USP6NL: variants seen among roughly 807,000 people sequenced by gnomAD.
The protein encoded by USP6NL is USP6 N-terminal like, also known as USP6 N-terminal-like protein.
In USP6NL, 26 loss-of-function variants were observed where a neutral mutation model predicts 61.9. The ratio of observed to expected loss-of-function variants is 0.42; its 90% CI spans 0.31 to 0.58. The LOEUF is 0.58. USP6NL is among the 20% of genes least tolerant of loss of function. The pLI is 0.16. For synonymous variants in USP6NL, 432 were observed against 390.1 expected, an observed-to-expected ratio of 1.11 and a Z score of -1.27; for missense variants, 1,114 against 1,034.3, an observed-to-expected ratio of 1.08 and a Z score of -1.06.
chr10:11,521,600 T>C (rs1356617189), intron 4 of USP6NL, among the ~76,000 whole-genome samples: 1 of 152,024 alleles, frequency 6.6e-6, no homozygotes, highest in East Asian at 1.9e-4. Context: ...CAGGCTGGTC[T>C]TGAACTCCTC....
chr10:11,463,884 C>A lies in USP6NL; in HGVS notation c.1079-35G>T. The A allele has an allele frequency of 6.9e-7, 1 of 1,451,522 alleles. No homozygotes were observed. Among genetic ancestry groups the A allele is most frequent in the South Asian group, 1.5e-5 (1 of 67,080 alleles). 89.9% of individuals were successfully genotyped at this position (1,451,522 alleles called of 1,614,324 possible). ...AAGAGAAAGGCTAAGTAAGATAATA[C>A]ACGAGTAAACAGTAGCCAGTTGAAG... On this transcript the variant is annotated intron_variant, in intron 14 of 14. Coordinates refer to ENST00000609104, the MANE Select transcript of USP6NL (RefSeq NM_014688.5). This position sits in a 1 kb window ranked among gnomAD's most constrained non-coding sequence, Gnocchi z 6.3.
In USP6NL at chr10:11,510,878, C is replaced by T. The variant is rs980352620; in HGVS notation, c.196-1203G>A. Among the ~76,000 whole-genome samples, 7 of 152,196 alleles carry T rather than the reference C, an allele frequency of 4.6e-5. No homozygotes were observed. The highest frequency in any genetic ancestry group is 1.7e-4 in the African/African-American group (7 of 41,454). ...AAGCCAGGCAAGCCTGGCTCCAGGA[C>T]GTACACTCTGAGCCACCACATCTCT... On this transcript the variant is annotated intron_variant, in intron 5 of 14. Coordinates refer to ENST00000609104, the MANE Select transcript of USP6NL (RefSeq NM_014688.5). This position sits in a 1 kb window ranked among gnomAD's most constrained non-coding sequence, Gnocchi z 4.8.
chr10:11,482,001 T>C lies in USP6NL; in HGVS notation c.926-79A>G. On this transcript the variant is annotated intron_variant, in intron 13 of 14. Transcript: ENST00000609104. The surrounding 1 kb of genome is among the most constrained non-coding windows in gnomAD (Gnocchi z 4.0). ...GAAGATATTCTATTATATTCAGGTG[T>C]AGTGTAAAAGGGCATTAAAAAGGGC... 1 of 1,425,076 alleles carries C rather than the reference T, an allele frequency of 7.0e-7. No homozygotes were observed. Among genetic ancestry groups the C allele is most frequent in the Non-Finnish European group, 9.3e-7 (1 of 1,074,980 alleles). 88.3% of individuals were successfully genotyped at this position (1,425,076 alleles called of 1,614,324 possible).
At position 11,596,396 on chromosome 10, in the gene USP6NL, C is replaced by T. The variant is rs536188944; in HGVS notation, c.4+1235G>A. On this transcript the variant is annotated intron_variant, in intron 2 of 14. Transcript: ENST00000609104. The surrounding 1 kb of genome is among the most constrained non-coding windows in gnomAD (Gnocchi z 4.1). Reference sequence around the variant, plus strand: ...CAGCATTTTGGGAGGCTGAGGCGGGCGGATCACAAGGTCAGGAGATCGAGA... The same window carrying T: ...CAGCATTTTGGGAGGCTGAGGCGGGTGGATCACAAGGTCAGGAGATCGAGA... 3.0e-4 allele frequency among the ~76,000 whole-genome samples: 46 copies of T among 151,870 alleles called. No homozygotes were observed. The highest frequency in any genetic ancestry group is 1.1e-3 in the African/African-American group (44 of 41,422).
chr10:11,516,614 G>A (rs1834968123), intron 5 of USP6NL, among the ~76,000 whole-genome samples: 3 of 152,148 alleles, frequency 2.0e-5, no homozygotes, highest in African/African-American at 2.4e-5. Flanking sequence ...CATGCAATAT[G>A]AGTGCAGTTT....
At chr10:11,573,299 C>A (rs1354154962) in intron 2 of USP6NL, among the ~76,000 whole-genome samples, 1 of 152,064 alleles carries the variant, frequency 6.6e-6, no homozygotes, top group Non-Finnish European at 1.5e-5. Context: ...TATTCTTCTA[C>A]CTCCAAAATA....
rs117058426 is a variant in USP6NL at position 11,512,547 on chromosome 10, T to C, written c.196-2872A>G. Among the ~76,000 whole-genome samples the C allele has an allele frequency of 6.6e-5, 10 of 152,320 alleles. No individual in the cohort carries two copies. The East Asian group carries it at 1.3e-3, about 21-fold the overall frequency. On this transcript the variant is annotated intron_variant, in intron 5 of 14. Transcript: ENST00000609104. ...CCATTTTCTAGAAGTAAAGTTCAAA[T>C]TTCTTAGCACAGCACACATGAGCAG... is the stretch of plus-strand genomic sequence containing the variant.
intron 1 of USP6NL, among the ~76,000 whole-genome samples, chr10:11,610,160 T>C (rs142420894): frequency 6.0e-4 from 92 of 152,350 alleles, no homozygotes; most frequent in African/African-American, 2.2e-3. Flanking sequence ...AGTTAACTTA[T>C]ACTTTTATTA....
rs891152915 is a variant in USP6NL, at chr10:11,587,013, C to G, written c.4+10618G>C. ...GTGAGGACAGATTCCCTTGCTCCTG[C>G]AGGAGCAAGGACTCCCTGGATGTCC... On this transcript the variant is annotated intron_variant, in intron 2 of 14. Transcript: ENST00000609104. The surrounding 1 kb of genome is among the most constrained non-coding windows in gnomAD (Gnocchi z 4.5). Among the ~76,000 whole-genome samples the G allele has an allele frequency of 5.3e-5, 8 of 152,072 alleles. No individual in the cohort carries two copies. Among genetic ancestry groups the G allele is most frequent in the Admixed American group, 2.0e-4 (3 of 15,280 alleles).
rs773930770 is a variant in USP6NL at position 11,462,868 on chromosome 10, C to T, written c.2060G>A (p.Arg687His). 5.6e-6 allele frequency: 9 copies of T among 1,613,478 alleles called. No homozygotes were observed. Among genetic ancestry groups the T allele is most frequent in the African/African-American group, 1.3e-5 (1 of 74,894 alleles). The change falls in exon 15 of 15, where the codon CGC (arginine) becomes CAC (histidine). Residue 687 changes from arginine to histidine, a missense_variant. Coordinates refer to ENST00000609104, the MANE Select transcript of USP6NL (RefSeq NM_014688.5). ...AGACGGCAGTACAAGGGGGCTTGGG[C>T]GGCTGTAAGATTTCTCCGGAGAAGC... Reference protein sequence around the residue: ...VSASPEKSYSRPSPLVLPSSR... With the variant: ...VSASPEKSYSHPSPLVLPSSR...
At position 11,481,883 on chromosome 10, in the gene USP6NL, A is replaced by T. The variant is rs367992927; in HGVS notation, c.965T>A (p.Phe322Tyr). 12 of 1,611,854 alleles carry T rather than the reference A, an allele frequency of 7.4e-6. No individual in the cohort carries two copies. The African/African-American group carries it at 1.3e-4, about 18-fold the overall frequency. Residue 322 changes from phenylalanine (F) to tyrosine (Y), a missense_variant, in exon 14 of 15, where the codon TTT becomes TAT. Physicochemically the swap from Phe to Tyr is conservative, Grantham distance 22. Coordinates refer to ENST00000609104, the MANE Select transcript of USP6NL (RefSeq NM_014688.5). This position sits in a 1 kb window ranked among gnomAD's most constrained non-coding sequence, Gnocchi z 4.4. Reference protein sequence around the residue: ...MKLSMEELVEFFQETLAKDFF... With the variant: ...MKLSMEELVEYFQETLAKDFF... ...ATCCTTTGCCAGGGTCTCCTGAAAA[A>T]ATTCTACAAGTTCTTCCATGGACAA... is the stretch of plus-strand genomic sequence containing the variant.
rs1047010737 is a variant in USP6NL, at chr10:11,489,133, T to C, written c.633A>G (p.Lys211=). 1.9e-6 allele frequency: 3 copies of C among 1,613,704 alleles called. No individual in the cohort carries two copies. The African/African-American group carries it at 4.0e-5, about 22-fold the overall frequency. ...NEEDAFWALV[K]LFSGPKHAMH... is the part of the protein sequence containing the mutation. ...TGGCATGTTTAGGGCCTGAGAAGAGTTTGACCAGGGCCCAGAAGGCATCTT... is the reference window on the plus strand; with the variant it reads ...TGGCATGTTTAGGGCCTGAGAAGAGCTTGACCAGGGCCCAGAAGGCATCTT... The change falls in exon 10 of 15, where the codon AAA becomes AAG. Residue 211 remains lysine, a synonymous_variant. Coordinates refer to ENST00000609104, the MANE Select transcript of USP6NL (RefSeq NM_014688.5). This position sits in a 1 kb window ranked among gnomAD's most constrained non-coding sequence, Gnocchi z 5.7.
intron 10 of USP6NL, among the ~76,000 whole-genome samples, chr10:11,488,421 C>T (rs72777662): frequency 0.012 from 1,813 of 152,220 alleles, 19 homozygotes; most frequent in Non-Finnish European, 0.019. Context: ...CAGTTGTAAT[C>T]TAAACTCTCT....
At chr10:11,512,410 T>C (rs993204417) in intron 5 of USP6NL, among the ~76,000 whole-genome samples, 3 of 152,094 alleles carry the variant, frequency 2.0e-5, no homozygotes, top group African/African-American at 2.4e-5. Flanking sequence ...GTAATCAGAG[T>C]TCCTAGATGA....
In USP6NL at chr10:11,474,513, C is replaced by G. The variant is rs893809310; in HGVS notation, c.1078+7257G>C. ...TAGGAATTTATGTTTATAAGTGGAA[C>G]CAAACATTAAAGTTCCATTAGACGA... is the stretch of plus-strand genomic sequence containing the variant. On this transcript the variant is annotated intron_variant, in intron 14 of 14. Transcript: ENST00000609104. This position sits in a 1 kb window ranked among gnomAD's most constrained non-coding sequence, Gnocchi z 4.9. Among the ~76,000 whole-genome samples the G allele has an allele frequency of 6.6e-6, 1 of 152,030 alleles. No homozygotes were observed. The highest frequency in any genetic ancestry group is 1.5e-5 in the Non-Finnish European group (1 of 67,992).
intron 2 of USP6NL, among the ~76,000 whole-genome samples, chr10:11,566,609 T>C (rs1436662456): frequency 1.3e-5 from 2 of 152,248 alleles, no homozygotes; most frequent in African/African-American, 4.8e-5. Context: ...AATCTGGCTA[T>C]ACAATCTATC....
chr10:11,571,314 G>A (rs61307398), intron 2 of USP6NL, among the ~76,000 whole-genome samples: 6,144 of 151,988 alleles, frequency 0.04, 341 homozygotes, highest in African/African-American at 0.12. Context: ...TCGAAATCCC[G>A]ACCTCAGGTG....
chr10:11,512,514 A>G (rs532653204), intron 5 of USP6NL, among the ~76,000 whole-genome samples: 2 of 152,268 alleles, frequency 1.3e-5, no homozygotes, highest in South Asian at 2.1e-4. Context: ...TAATCCTTCA[A>G]TGGCTACCCA....
intron 2 of USP6NL, among the ~76,000 whole-genome samples, chr10:11,533,874 C>G (rs1311265802): frequency 6.6e-6 from 1 of 152,262 alleles, no homozygotes; most frequent in African/African-American, 2.4e-5. Flanking sequence ...AACAAAACAG[C>G]AACAGGAAGA....
Sources: gnomAD v4.1 joint callset for allele counts (sites outside exome capture counted in the v4.1 genomes callset) on GRCh38, gnomAD v4.1.1 for gene constraint, Gnocchi (gnomAD v3.1) non-coding constraint, MANE v1.5 for transcripts, NCBI Gene and HGNC (gene_info 2026-07-23, HGNC 2026-07-21) for gene names.